The following CNTNAP2 variants were observed in gnomAD, a reference collection of about 807,000 sequenced individuals.
CNTNAP2 encodes contactin associated protein 2, also known as contactin-associated protein-like 2.
A neutral mutation model predicts 155.2 loss-of-function variants in CNTNAP2; 98 were observed. That is an observed-to-expected ratio of 0.63 (90% confidence interval 0.54 to 0.75). The LOEUF (loss-of-function observed/expected upper bound fraction) is 0.75. CNTNAP2 is among the 30% of genes least tolerant of loss of function. CNTNAP2 has a pLI of 0.00. For synonymous variants in CNTNAP2, 651 were observed against 631.2 expected, an observed-to-expected ratio of 1.03 and a Z score of -0.47; for missense variants, 1,727 against 1,688.1, an observed-to-expected ratio of 1.02 and a Z score of -0.40.
At chr7:146,856,613 T>C (rs1392309188) in intron 3 of CNTNAP2, among the ~76,000 whole-genome samples, 1 of 152,116 alleles carries the variant, frequency 6.6e-6, no homozygotes. Context: ...AAATGAATAA[T>C]ATTTACACAA....
chr7:147,500,205 T>C (rs1798785330), intron 11 of CNTNAP2, among the ~76,000 whole-genome samples: 1 of 152,246 alleles, frequency 6.6e-6, no homozygotes, highest in Non-Finnish European at 1.5e-5. Flanking sequence ...TTATCCTTTA[T>C]GCAGAAGGGC....
intron 9 of CNTNAP2, among the ~76,000 whole-genome samples, chr7:147,311,191 A>C (rs961720836): frequency 6.6e-6 from 1 of 152,220 alleles, no homozygotes; most frequent in African/African-American, 2.4e-5. Flanking sequence ...TCAGAGCCTG[A>C]TTAAAATTTG....
At chr7:147,664,923 C>T (rs1157537890) in intron 13 of CNTNAP2, among the ~76,000 whole-genome samples, 1 of 152,206 alleles carries the variant, frequency 6.6e-6, no homozygotes, top group African/African-American at 2.4e-5. Context: ...ACAGTACGTG[C>T]CAGGTGGCCC....
At chr7:147,963,273 A>G (rs1801143724) in intron 14 of CNTNAP2, among the ~76,000 whole-genome samples, 1 of 152,132 alleles carries the variant, frequency 6.6e-6, no homozygotes, top group Non-Finnish European at 1.5e-5. Flanking sequence ...ATCTGAAACC[A>G]AGGCCCCAGA....
intron 3 of CNTNAP2, among the ~76,000 whole-genome samples, chr7:146,996,402 T>C (rs1482134073): frequency 5.9e-5 from 9 of 152,100 alleles, no homozygotes; most frequent in Admixed American, 5.9e-4. Flanking sequence ...CACCAATTTT[T>C]CATAATTTTC....
chr7:146,739,112 C>G (rs982813650), intron 1 of CNTNAP2, among the ~76,000 whole-genome samples: 1 of 151,688 alleles, frequency 6.6e-6, no homozygotes, highest in Non-Finnish European at 1.5e-5. Context: ...TTTTCTATCA[C>G]TTTTCTAGTC....
chr7:147,797,428 A>C (rs1797915155), intron 13 of CNTNAP2, among the ~76,000 whole-genome samples: 1 of 152,122 alleles, frequency 6.6e-6, no homozygotes, highest in African/African-American at 2.4e-5. Context: ...TAAAAATGGG[A>C]AGTATTTAAG....
intron 1 of CNTNAP2, among the ~76,000 whole-genome samples, chr7:146,237,842 A>T (rs1335994418): frequency 6.6e-6 from 1 of 152,230 alleles, no homozygotes; most frequent in Non-Finnish European, 1.5e-5. Flanking sequence ...AACTTTCTTT[A>T]ACCCAGAATT....
At chr7:147,351,188 A>G (rs1795962669) in intron 9 of CNTNAP2, among the ~76,000 whole-genome samples, 2 of 151,818 alleles carry the variant, frequency 1.3e-5, no homozygotes, top group South Asian at 2.1e-4. Context: ...TGTTTCTACA[A>G]TATATTAAGC....
intron 9 of CNTNAP2, among the ~76,000 whole-genome samples, chr7:147,354,290 T>C (rs1796023159): frequency 1.3e-5 from 2 of 152,198 alleles, no homozygotes; most frequent in Non-Finnish European, 2.9e-5. Context: ...AAGTCTTTAA[T>C]CCATCTTGAG....
chr7:148,256,449 G>A (rs556810779), intron 20 of CNTNAP2, among the ~76,000 whole-genome samples: 5 of 152,146 alleles, frequency 3.3e-5, no homozygotes, highest in East Asian at 1.9e-4. Flanking sequence ...CATTTAACAC[G>A]TGGCAGAGCC....
chr7:148,196,738 C>T (rs969773296), intron 18 of CNTNAP2, among the ~76,000 whole-genome samples: 2 of 152,330 alleles, frequency 1.3e-5, no homozygotes, highest in East Asian at 3.9e-4. Context: ...TTTGCTCTAA[C>T]ACCTGTGCCC....
chr7:147,924,989 C>T (rs969299306), intron 14 of CNTNAP2, among the ~76,000 whole-genome samples: 3 of 151,796 alleles, frequency 2.0e-5, no homozygotes, highest in African/African-American at 4.8e-5. Context: ...CTTAGAGGCA[C>T]GAGCCTGTAG....
At chr7:147,830,767 G>A (rs547816997) in intron 13 of CNTNAP2, among the ~76,000 whole-genome samples, 1 of 152,262 alleles carries the variant, frequency 6.6e-6, no homozygotes, top group Non-Finnish European at 1.5e-5. Flanking sequence ...ATTCCATACA[G>A]CATTCTCTTG....
At chr7:147,038,319 A>G (rs2129252921) in intron 3 of CNTNAP2, among the ~76,000 whole-genome samples, 1 of 152,278 alleles carries the variant, frequency 6.6e-6, no homozygotes, top group South Asian at 2.1e-4. Context: ...AACATCTTTT[A>G]ATTTTGCTGG....
chr7:148,326,691 C>A (rs1038981168), intron 21 of CNTNAP2, among the ~76,000 whole-genome samples: 2 of 151,926 alleles, frequency 1.3e-5, no homozygotes, highest in African/African-American at 2.4e-5. Flanking sequence ...ACGGTGAAAC[C>A]CCGTCTCTAC....
intron 3 of CNTNAP2, among the ~76,000 whole-genome samples, chr7:146,922,877 T>A: frequency 6.6e-6 from 1 of 152,196 alleles, no homozygotes; most frequent in Non-Finnish European, 1.5e-5. Flanking sequence ...TATTTTTTAC[T>A]CTACGGGAAA....
chr7:148,073,298 G>A (rs146057939), intron 15 of CNTNAP2, among the ~76,000 whole-genome samples: 102 of 152,266 alleles, frequency 6.7e-4, no homozygotes, highest in Middle Eastern at 3.4e-3. Context: ...CCATAATACC[G>A]TGGTCTTCCC....
At position 146,346,945 on chromosome 7, in the gene CNTNAP2, AT is replaced by A. The variant is rs144249785; in HGVS notation, c.97+229981del. Among the ~76,000 whole-genome samples the A allele has an allele frequency of 2.7e-3, 405 of 150,288 alleles. 2 individuals carry two copies. The highest frequency in any genetic ancestry group is 9.4e-3 in the African/African-American group (384 of 40,928). ...ATTGTTTTTTATTGTTTTTTATTTTATTTTTTTTTGGAGCCCCCTTCTGGGC... is the reference window on the plus strand; with the variant it reads ...ATTGTTTTTTATTGTTTTTTATTTTATTTTTTTTGGAGCCCCCTTCTGGGC... On this transcript the variant is annotated intron_variant, in intron 1 of 23. Transcript: ENST00000361727.
Sources: gnomAD v4.1 joint callset for allele counts (sites outside exome capture counted in the v4.1 genomes callset) on GRCh38, gnomAD v4.1.1 for gene constraint, MANE v1.5 for transcripts, NCBI Gene and HGNC (gene_info 2026-07-23, HGNC 2026-07-21) for gene names.